PCLO: variants seen among roughly 807,000 people sequenced by gnomAD.
PCLO encodes piccolo presynaptic cytomatrix protein.
In PCLO, 82 loss-of-function variants were observed where a neutral mutation model predicts 427.5. That is an observed-to-expected ratio of 0.19 (90% CI 0.16 to 0.23). The LOEUF (loss-of-function observed/expected upper bound fraction) is 0.23. Ranked by LOEUF, PCLO falls within the 10% of genes least tolerant of loss-of-function variation. The probability of loss-of-function intolerance (pLI) is 1.00; values close to 1 mark genes in which losing one functional copy is unlikely to be tolerated. For missense variants in PCLO, 6,239 were observed against 6,115.9 expected, an observed-to-expected ratio of 1.02 and a Z score of -0.67; for synonymous variants, 2,357 against 2,155.4, an observed-to-expected ratio of 1.09 and a Z score of -2.59.
At chr7:82,958,469 T>A (rs949566772) in intron 4 of PCLO, among the ~76,000 whole-genome samples, 1 of 152,124 alleles carries the variant, frequency 6.6e-6, no homozygotes, top group African/African-American at 2.4e-5. Context: ...CATTTTACAT[T>A]CATTTTCATC....
At chr7:82,821,449 G>GT (rs1231611191) in intron 20 of PCLO, 1 of 985,388 alleles carries the variant, frequency 1.0e-6, no homozygotes, top group Non-Finnish European at 1.2e-6. Flanking sequence ...AGCACTAAAG[G>GT]GGTTTAAAAC....
At chr7:82,937,399 T>G (rs528772792) in intron 6 of PCLO, among the ~76,000 whole-genome samples, 10 of 150,428 alleles carry the variant, frequency 6.6e-5, no homozygotes, top group Non-Finnish European at 1.2e-4. Flanking sequence ...TAATAAACTC[T>G]ACTGTAGTAT....
intron 3 of PCLO, among the ~76,000 whole-genome samples, chr7:83,007,352 A>C (rs1480603493): frequency 3.3e-5 from 5 of 151,574 alleles, no homozygotes. Flanking sequence ...TTAGGGAAAC[A>C]GGTGAATACA....
intron 8 of PCLO, among the ~76,000 whole-genome samples, chr7:82,903,735 G>A (rs757035370): frequency 2.0e-5 from 3 of 151,832 alleles, no homozygotes; most frequent in Non-Finnish European, 2.9e-5. Flanking sequence ...CCAAAATAAA[G>A]TTTAATATAG....
chr7:83,073,396 T>C (rs915575783), intron 3 of PCLO, among the ~76,000 whole-genome samples: 2 of 152,066 alleles, frequency 1.3e-5, no homozygotes, highest in African/African-American at 4.8e-5. Flanking sequence ...TGCTAGATGT[T>C]AAGAAAAGAG....
At chr7:82,893,657 T>A (rs935275936) in intron 9 of PCLO, among the ~76,000 whole-genome samples, 1 of 152,072 alleles carries the variant, frequency 6.6e-6, no homozygotes, top group Non-Finnish European at 1.5e-5. Context: ...CATGACTAAT[T>A]GTCAATTTTC....
At chr7:82,827,755 T>G in intron 17 of PCLO, 118 bp downstream of exon 17, 1 of 565,224 alleles carries the variant, frequency 1.8e-6, no homozygotes, top group Non-Finnish European at 3.1e-6. Flanking sequence ...ACATGTATTT[T>G]ACTCAACTTT....
At chr7:82,907,561 C>T (rs941230783) in intron 8 of PCLO, among the ~76,000 whole-genome samples, 2 of 151,770 alleles carry the variant, frequency 1.3e-5, no homozygotes, top group African/African-American at 2.4e-5. Flanking sequence ...TGAAACACAA[C>T]CACAAATACA....
intron 20 of PCLO, among the ~76,000 whole-genome samples, chr7:82,812,251 A>G (rs901791431): frequency 6.6e-6 from 1 of 151,566 alleles, no homozygotes; most frequent in African/African-American, 2.4e-5. Context: ...AATAAGATCA[A>G]TGATCACTTC....
At chr7:83,136,344 A>T (rs1791729072) in intron 2 of PCLO, among the ~76,000 whole-genome samples, 2 of 152,134 alleles carry the variant, frequency 1.3e-5, no homozygotes, top group Admixed American at 1.3e-4. Flanking sequence ...TAGATTATAC[A>T]TGGTTTTCTG....
intron 3 of PCLO, among the ~76,000 whole-genome samples, chr7:82,988,370 G>C (rs773097280): frequency 2.3e-4 from 35 of 151,940 alleles, no homozygotes; most frequent in Non-Finnish European, 4.6e-4. Flanking sequence ...AAACTTAGTG[G>C]AAGAAAGAAG....
At chr7:83,075,693 T>TA (rs1301344245) in intron 3 of PCLO, among the ~76,000 whole-genome samples, 1 of 152,114 alleles carries the variant, frequency 6.6e-6, no homozygotes, top group African/African-American at 2.4e-5. Context: ...AATGACAAGT[T>TA]AAAATTTCGG....
chr7:82,834,826 G>T (rs1792186601), intron 16 of PCLO, among the ~76,000 whole-genome samples: 1 of 152,134 alleles, frequency 6.6e-6, no homozygotes, highest in Non-Finnish European at 1.5e-5. Flanking sequence ...ATATACTACA[G>T]CAAGCCAATT....
intron 6 of PCLO, among the ~76,000 whole-genome samples, chr7:82,928,824 A>T (rs1325952735): frequency 6.6e-6 from 1 of 152,320 alleles, no homozygotes; most frequent in South Asian, 2.1e-4. Context: ...ATGGATACAC[A>T]TACTGTACAG....
chr7:83,099,377 C>A (rs1790677074), intron 3 of PCLO, among the ~76,000 whole-genome samples: 1 of 129,640 alleles, frequency 7.7e-6, no homozygotes, highest in Non-Finnish European at 1.6e-5. Flanking sequence ...TTTTAACATA[C>A]AGTAGATTTT....
intron 22 of PCLO, among the ~76,000 whole-genome samples, chr7:82,776,659 A>T (rs1486888300): frequency 6.6e-6 from 1 of 151,952 alleles, no homozygotes; most frequent in Non-Finnish European, 1.5e-5. Flanking sequence ...GCTGGCTGTG[A>T]TGGCGTGCGC....
Position 82,845,258 on chromosome 7 carries a change from C to G in PCLO, c.14046+13G>C. The G allele has an allele frequency of 6.2e-7, 1 of 1,606,238 alleles. No homozygotes were observed. The highest frequency in any genetic ancestry group is 1.1e-5 in the South Asian group (1 of 90,878). On this transcript the variant is annotated intron_variant, in intron 13 of 24. Coordinates refer to ENST00000333891, the MANE Select transcript of PCLO (RefSeq NM_033026.6). ...AAAACAAGTGGGTCAGAGGTCACAT[C>G]AACAATCCTCACCTTGCTGCTGCCG...
At chr7:83,050,766 ATCCGGGCAT>A in intron 3 of PCLO, among the ~76,000 whole-genome samples, 3 of 145,144 alleles carry the variant, frequency 2.1e-5, no homozygotes, top group African/African-American at 7.6e-5. Context: ...AAAAAAAATT[ATCCGGGCAT>A]GGTGGTACAT....
chr7:82,999,314 A>G (rs1406836987), intron 3 of PCLO, among the ~76,000 whole-genome samples: 1 of 138,774 alleles, frequency 7.2e-6, no homozygotes, highest in Non-Finnish European at 1.5e-5. Context: ...TTAAATATAT[A>G]TGGATATGTA....
Sources: allele counts gnomAD v4.1 joint callset (sites outside exome capture counted in the v4.1 genomes callset), GRCh38; gene constraint gnomAD v4.1.1; transcripts MANE v1.5; gene names NCBI Gene and HGNC (gene_info 2026-07-23, HGNC 2026-07-21).